The following SMAD9 variants were observed in gnomAD, a reference collection of about 807,000 sequenced individuals.
The protein encoded by SMAD9 is MAD homolog 9.
Under a neutral mutation model 46.1 loss-of-function variants are expected in SMAD9, and 36 were observed. The observed-to-expected ratio is 0.78, with a 90% CI of 0.60 to 1.03. The LOEUF (loss-of-function observed/expected upper bound fraction) is 1.03, where lower values mean the gene tolerates loss of function less well. Among genes scored for constraint, SMAD9 ranks in the 50% least tolerant of loss-of-function variants. The pLI is 0.00. For missense variants in SMAD9, 572 were observed against 599.8 expected (o/e 0.95, Z 0.48); for synonymous variants, 245 against 237.1 (o/e 1.03, Z -0.31).
At chr13:36,861,045 G>GC (rs1338354884) in intron 5 of SMAD9, among the ~76,000 whole-genome samples, 1 of 152,124 alleles carries the variant, frequency 6.6e-6, no homozygotes, top group African/African-American at 2.4e-5. Context: ...GTTAACTGCT[G>GC]CATGGCTACA....
chr13:36,886,589 T>C (rs2058446931), intron 1 of SMAD9, among the ~76,000 whole-genome samples: 1 of 152,262 alleles, frequency 6.6e-6, no homozygotes, highest in East Asian at 1.9e-4. Flanking sequence ...ATGCCTATCA[T>C]GTGTCAGGCC....
chr13:36,911,381 A>C (rs1487023862), intron 1 of SMAD9, among the ~76,000 whole-genome samples: 3 of 152,176 alleles, frequency 2.0e-5, no homozygotes, highest in Non-Finnish European at 2.9e-5. Flanking sequence ...TACTAACGCA[A>C]TACAATAAAT....
intron 6 of SMAD9, among the ~76,000 whole-genome samples, 164 bp from the exon 7 acceptor site, chr13:36,848,983 C>CTT (rs1160981795): frequency 6.6e-6 from 1 of 152,192 alleles, no homozygotes; most frequent in Non-Finnish European, 1.5e-5. Context: ...CAGGTCAACT[C>CTT]TCACACCAAC....
chr13:36,862,887 G>A (rs1284587640), intron 5 of SMAD9, among the ~76,000 whole-genome samples: 5 of 152,064 alleles, frequency 3.3e-5, no homozygotes, highest in African/African-American at 1.2e-4. Context: ...TTTCTCTATT[G>A]GACATACTGT....
At chr13:36,896,774 T>G (rs1303083029) in intron 1 of SMAD9, among the ~76,000 whole-genome samples, 1 of 152,242 alleles carries the variant, frequency 6.6e-6, no homozygotes, top group Non-Finnish European at 1.5e-5. Flanking sequence ...GTATTTTTTC[T>G]AAATAAACTT....
intron 5 of SMAD9, among the ~76,000 whole-genome samples, chr13:36,864,371 T>G (rs2058211671): frequency 6.6e-6 from 1 of 152,098 alleles, no homozygotes; most frequent in African/African-American, 2.4e-5. Flanking sequence ...TTAGGTAAAA[T>G]AAGGTTGAGA....
chr13:36,919,595 C>T (rs1020446596), intron 1 of SMAD9, among the ~76,000 whole-genome samples: 1 of 151,940 alleles, frequency 6.6e-6, no homozygotes, highest in Non-Finnish European at 1.5e-5. Context: ...CCGCCGCCCC[C>T]TCTGTCCGCT....
At position 36,891,969 on chromosome 13, in the gene SMAD9, G is replaced by C. The variant is rs554570529; in HGVS notation, c.-186-12094C>G. Among the ~76,000 whole-genome samples, 3 of 152,276 alleles carry C rather than the reference G, an allele frequency of 2.0e-5. No homozygotes were observed. The South Asian group carries it at 6.2e-4, about 32-fold the overall frequency. On this transcript the variant is annotated intron_variant, in intron 1 of 6. Transcript: ENST00000379826. ...AAAACCAAAAACTGAATCTGTCCTG[G>C]AGTAAGGGTGAGCTCATCCATTGTA...
chr13:36,868,199 A>C (rs1462071993), intron 3 of SMAD9, among the ~76,000 whole-genome samples: 3 of 152,372 alleles, frequency 2.0e-5, no homozygotes, highest in African/African-American at 7.2e-5. Flanking sequence ...AGCTTGCTAA[A>C]AATGCAGATT....
At chr13:36,912,567 G>A (rs1340603081) in intron 1 of SMAD9, among the ~76,000 whole-genome samples, 1 of 152,114 alleles carries the variant, frequency 6.6e-6, no homozygotes, top group Non-Finnish European at 1.5e-5. Context: ...GTTTCCTATA[G>A]GACCAGCCAT....
intron 1 of SMAD9, among the ~76,000 whole-genome samples, chr13:36,899,890 GC>G (rs2058559869): frequency 6.6e-6 from 1 of 152,088 alleles, no homozygotes; most frequent in Admixed American, 6.6e-5. Context: ...AGCCATGTTG[GC>G]CCAATTAAAA....
At chr13:36,860,907 C>T (rs1329357805) in intron 5 of SMAD9, among the ~76,000 whole-genome samples, 3 of 152,104 alleles carry the variant, frequency 2.0e-5, no homozygotes, top group African/African-American at 7.2e-5. Context: ...TGAGATGTTC[C>T]AGGCTGCCCA....
chr13:36,879,468 G>C lies in SMAD9; in HGVS notation c.222C>G (p.Ser74=). Residue 74 remains serine (S), a synonymous_variant, in exon 2 of 7, where the codon TCC becomes TCG. Transcript: ENST00000379826. Reference sequence around the variant, plus strand: ...GGGACACCTGCAGCCGCCCGTCCAGGGAGCGGGGAATCGTGACGCATTTGC... The same window carrying C: ...GGGACACCTGCAGCCGCCCGTCCAGCGAGCGGGGAATCGTGACGCATTTGC... The part of the protein sequence containing the change: ...QPSKCVTIPR[S]LDGRLQVSHR... 1 of 1,613,832 alleles carries C rather than the reference G, an allele frequency of 6.2e-7. No homozygotes were observed. Among genetic ancestry groups the C allele is most frequent in the Non-Finnish European group, 8.5e-7 (1 of 1,180,010 alleles).
At chr13:36,910,396 C>T (rs1041466516) in intron 1 of SMAD9, among the ~76,000 whole-genome samples, 6 of 152,110 alleles carry the variant, frequency 3.9e-5, no homozygotes, top group African/African-American at 9.6e-5. Context: ...GGTGGATACA[C>T]GTCATGATAC....
At chr13:36,867,611 C>T (rs932793048) in intron 3 of SMAD9, among the ~76,000 whole-genome samples, 4 of 152,096 alleles carry the variant, frequency 2.6e-5, no homozygotes, top group Non-Finnish European at 4.4e-5. Flanking sequence ...ATTTTCCCTC[C>T]GACTTTTGAG....
At chr13:36,885,042 C>A (rs1210019903) in intron 1 of SMAD9, among the ~76,000 whole-genome samples, 1 of 152,090 alleles carries the variant, frequency 6.6e-6, no homozygotes, top group Admixed American at 6.5e-5. Flanking sequence ...CAATTTTGAC[C>A]CGCTAATCCA....
intron 1 of SMAD9, among the ~76,000 whole-genome samples, chr13:36,902,640 T>C (rs1430426490): frequency 6.6e-6 from 1 of 152,052 alleles, no homozygotes. Context: ...GTATTTTTAG[T>C]AGAGACTGGG....
At chr13:36,866,206 C>T (rs909916808) in intron 4 of SMAD9, among the ~76,000 whole-genome samples, 10 of 151,892 alleles carry the variant, frequency 6.6e-5, no homozygotes, top group African/African-American at 2.2e-4. Context: ...TTCTAACAAA[C>T]TAGAGATGGA....
rs74242359 is a variant in SMAD9 at position 36,851,732 on chromosome 13, A to T, written c.1260+1687T>A. The T allele has an allele frequency of 2.0e-5, 20 of 976,704 alleles. No individual in the cohort carries two copies. The East Asian group carries it at 2.1e-3, about 100-fold the overall frequency. The allele number at this position is 976,704 out of a possible 1,614,324, so 60.5% of individuals were successfully genotyped here. On this transcript the variant is annotated intron_variant, in intron 6 of 6. Coordinates refer to ENST00000379826, the MANE Select transcript of SMAD9 (RefSeq NM_001127217.3). ...ACAGCTGCTCATCTCAAATGTTAAA[A>T]AAAAATGATCTATAGTTATATTTAC...
Sources: allele counts gnomAD v4.1 joint callset (sites outside exome capture counted in the v4.1 genomes callset), GRCh38; gene constraint gnomAD v4.1.1; transcripts MANE v1.5; gene names NCBI Gene and HGNC (gene_info 2026-07-23, HGNC 2026-07-21).